MYH11: variants seen among roughly 807,000 people sequenced by gnomAD.
MYH11 encodes the protein myosin-11.
A neutral mutation model predicts 246.6 loss-of-function variants in MYH11; 80 were observed. The observed-to-expected ratio is 0.32, with a 90% CI of 0.27 to 0.39. MYH11 has a LOEUF of 0.39. Ranked by LOEUF, MYH11 falls within the 10% of genes least tolerant of loss-of-function variation. MYH11 has a pLI of 1.00. For missense variants in MYH11, 2,158 were observed against 2,546.8 expected, an observed-to-expected ratio of 0.85 and a Z score of 3.29; for synonymous variants, 1,071 against 1,015.5, an observed-to-expected ratio of 1.05 and a Z score of -1.04.
rs760933374 is a variant in MYH11, at chr16:15,703,953, TGGTTTTC to T, written c.*31_*37del. 11 of 1,613,604 alleles carry T rather than the reference TGGTTTTC, an allele frequency of 6.8e-6. No individual in the cohort carries two copies. Among genetic ancestry groups the T allele is most frequent in the Non-Finnish European group, 9.3e-6 (11 of 1,179,820 alleles). On this transcript the variant is annotated 3_prime_UTR_variant, in exon 41 of 41. Transcript: ENST00000300036. ...TTTTTTGTTTGTTTGTTTTGGTTTT[TGGTTTTC>T]TTGCCGTGGTGCAAAACTGTAGAAA...
Position 15,763,782 on chromosome 16 carries a change from A to G in MYH11, c.1129+14T>C. Reference sequence around the variant, plus strand: ...CCCCAAAGTCATTGGTCATCAGGAAAAAGTGGCAAGTACCTGTGTTATCTG... The same window carrying G: ...CCCCAAAGTCATTGGTCATCAGGAAGAAGTGGCAAGTACCTGTGTTATCTG... On this transcript the variant is annotated intron_variant, in intron 10 of 40. Coordinates refer to ENST00000300036, the MANE Select transcript of MYH11 (RefSeq NM_002474.3). The G allele has an allele frequency of 5.3e-6, 8 of 1,496,450 alleles. No individual in the cohort carries two copies. The highest frequency in any genetic ancestry group is 1.1e-5 in the South Asian group (1 of 89,068). 92.7% of individuals were successfully genotyped at this position (1,496,450 alleles called of 1,614,324 possible).
chr16:15,730,770 G>T (rs1044113371), intron 27 of MYH11, among the ~76,000 whole-genome samples: 2 of 152,106 alleles, frequency 1.3e-5, no homozygotes, highest in African/African-American at 2.4e-5. Context: ...GCCGAAGGTC[G>T]CAAGCTAAAA....
At chr16:15,727,347 C>A (rs964012965) in intron 27 of MYH11, among the ~76,000 whole-genome samples, 3 of 152,092 alleles carry the variant, frequency 2.0e-5, no homozygotes, top group Non-Finnish European at 2.9e-5. Context: ...ATTACAGGCG[C>A]CCGCCACCAT....
intron 40 of MYH11, 88 bp downstream of exon 40, chr16:15,714,821 G>T (rs2040025871): frequency 6.7e-7 from 1 of 1,500,924 alleles, no homozygotes; most frequent in African/African-American, 1.4e-5. Flanking sequence ...TGGGCACAAG[G>T]GGCATTTGCA....
At chr16:15,760,183 T>C (rs1316377449) in intron 11 of MYH11, among the ~76,000 whole-genome samples, 2 of 151,924 alleles carry the variant, frequency 1.3e-5, no homozygotes, top group East Asian at 3.9e-4. Flanking sequence ...AAGAGATGGA[T>C]GGGTGGATGC....
intron 27 of MYH11, among the ~76,000 whole-genome samples, chr16:15,730,369 TAAAAAAA>T (rs746923275): frequency 3.1e-5 from 3 of 97,236 alleles, no homozygotes; most frequent in Non-Finnish European, 6.8e-5. Flanking sequence ...CCATCTCTAC[TAAAAAAA>T]AAAAAAAAAA....
chr16:15,706,441 C>T (rs1191246871), intron 40 of MYH11, among the ~76,000 whole-genome samples: 1 of 152,208 alleles, frequency 6.6e-6, no homozygotes, highest in African/African-American at 2.4e-5. Context: ...TGCTGCGACT[C>T]ATGCCTGTAA....
At position 15,741,754 on chromosome 16, in the gene MYH11, A is replaced by G. The variant is rs765272495; in HGVS notation, c.2652+6T>C. The G allele has an allele frequency of 1.9e-6, 3 of 1,613,974 alleles. No individual in the cohort carries two copies. The highest frequency in any genetic ancestry group is 2.7e-5 in the African/African-American group (2 of 74,902). On this transcript the variant is annotated splice_donor_region_variant and intron_variant, in intron 21 of 40. Coordinates refer to ENST00000300036, the MANE Select transcript of MYH11 (RefSeq NM_002474.3). Reference sequence around the variant, plus strand: ...AGCAACCCCAGCCATGCATCCATACAGGTACCTGCGAGTGCTTCTGTTCCA... The same window carrying G: ...AGCAACCCCAGCCATGCATCCATACGGGTACCTGCGAGTGCTTCTGTTCCA...
intron 15 of MYH11, among the ~76,000 whole-genome samples, chr16:15,752,309 G>A (rs1250775514): frequency 6.6e-6 from 1 of 152,036 alleles, no homozygotes; most frequent in Non-Finnish European, 1.5e-5. Context: ...GGGGAGACCA[G>A]TCCTGTAAGC....
At chr16:15,856,774 C>A (rs921624928) in intron 1 of MYH11, among the ~76,000 whole-genome samples, 167 bp downstream of exon 1, 1 of 152,028 alleles carries the variant, frequency 6.6e-6, no homozygotes, top group Non-Finnish European at 1.5e-5. Context: ...TAATCTAAGA[C>A]GATAAGGCAG....
At chr16:15,775,643 A>C (rs1217839888) in intron 8 of MYH11, among the ~76,000 whole-genome samples, 1 of 152,258 alleles carries the variant, frequency 6.6e-6, no homozygotes, top group Non-Finnish European at 1.5e-5. Context: ...CTGGCAAAAC[A>C]TGTATAATGA....
intron 35 of MYH11, 61 bp from the exon 36 acceptor site, chr16:15,719,369 C>A (rs981292057): frequency 1.3e-6 from 2 of 1,567,644 alleles, no homozygotes; most frequent in South Asian, 1.1e-5. Flanking sequence ...ACCAAGAGTC[C>A]ACCCTGACAA....
chr16:15,790,112 C>G (rs571206849), intron 4 of MYH11, among the ~76,000 whole-genome samples: 1 of 152,196 alleles, frequency 6.6e-6, no homozygotes. Flanking sequence ...CAAGACCAGC[C>G]TGGCCAACAT....
intron 6 of MYH11, among the ~76,000 whole-genome samples, chr16:15,781,094 TG>T (rs1488596695): frequency 6.6e-6 from 1 of 151,800 alleles, no homozygotes; most frequent in Non-Finnish European, 1.5e-5. Context: ...TTTGTAGAGA[TG>T]GGGTTTCCCC....
chr16:15,816,913 A>G (rs1449355672), intron 3 of MYH11, among the ~76,000 whole-genome samples: 3 of 152,226 alleles, frequency 2.0e-5, no homozygotes, highest in Non-Finnish European at 4.4e-5. Flanking sequence ...TAACAAAAAT[A>G]AAAACCAATT....
At chr16:15,829,857 G>T (rs190692144) in intron 2 of MYH11, among the ~76,000 whole-genome samples, 1 of 152,142 alleles carries the variant, frequency 6.6e-6, no homozygotes, top group Non-Finnish European at 1.5e-5. Context: ...AGGGATGGCC[G>T]GGCGCAGTGG....
At chr16:15,777,473 A>G (rs1241931039) in intron 7 of MYH11, among the ~76,000 whole-genome samples, 1 of 152,078 alleles carries the variant, frequency 6.6e-6, no homozygotes, top group East Asian at 1.9e-4. Flanking sequence ...GCTGGTTTGG[A>G]AACATACTTT....
chr16:15,763,741 T>TGGGGGGCCCCCCC, intron 10 of MYH11, 55 bp downstream of exon 10: 7 of 646,846 alleles, frequency 1.1e-5, no homozygotes, highest in East Asian at 6.3e-5. Context: ...AAATGTCACC[T>TGGGGGGCCCCCCC]CCCCCACCCC....
chr16:15,846,216 C>T (rs1214183767), intron 1 of MYH11, among the ~76,000 whole-genome samples: 1 of 152,106 alleles, frequency 6.6e-6, no homozygotes, highest in Non-Finnish European at 1.5e-5. Context: ...GGAATCAATC[C>T]TGTAAGGCAC....
Sources: gnomAD v4.1 joint callset for allele counts (sites outside exome capture counted in the v4.1 genomes callset) on GRCh38, gnomAD v4.1.1 for gene constraint, MANE v1.5 for transcripts, NCBI Gene and HGNC (gene_info 2026-07-23, HGNC 2026-07-21) for gene names.